Variants in WWOX observed in about 807,000 individuals in gnomAD.
WWOX encodes WW domain-containing oxidoreductase.
In WWOX, 69 loss-of-function variants were observed where a neutral mutation model predicts 46.2. The observed-to-expected ratio is 1.49, with a 90% CI of 1.23 to 1.82. The LOEUF (loss-of-function observed/expected upper bound fraction) is 1.82. WWOX is among the 40% of genes most tolerant of loss of function. The pLI is 0.00. For missense variants in WWOX, 919 were observed against 542.6 expected, an observed-to-expected ratio of 1.69 and a Z score of -6.89; for synonymous variants, 359 against 202.6, an observed-to-expected ratio of 1.77 and a Z score of -6.56.
chr16:78,980,915 T>C (rs1017420263), intron 8 of WWOX, among the ~76,000 whole-genome samples: 3 of 152,210 alleles, frequency 2.0e-5, no homozygotes, highest in Admixed American at 2.0e-4. Context: ...TCTCCGTTTT[T>C]ATTGTCTTCA....
At chr16:78,434,367 C>T (rs995378877) in intron 8 of WWOX, among the ~76,000 whole-genome samples, 7 of 152,136 alleles carry the variant, frequency 4.6e-5, no homozygotes, top group Admixed American at 1.3e-4. Context: ...ACTTTGCTCC[C>T]GATGACTGCA....
At chr16:79,092,091 C>G (rs1300342725) in intron 8 of WWOX, among the ~76,000 whole-genome samples, 3 of 152,136 alleles carry the variant, frequency 2.0e-5, no homozygotes, top group East Asian at 1.9e-4. Context: ...TCACGTTTTT[C>G]TTTTAAAGAA....
At chr16:78,966,070 C>G (rs1194940299) in intron 8 of WWOX, among the ~76,000 whole-genome samples, 1 of 152,194 alleles carries the variant, frequency 6.6e-6, no homozygotes, top group Non-Finnish European at 1.5e-5. Flanking sequence ...GTGTGACCAG[C>G]TCTGAGGATT....
At chr16:78,122,377 C>G (rs1199816068) in intron 4 of WWOX, among the ~76,000 whole-genome samples, 3 of 152,006 alleles carry the variant, frequency 2.0e-5, no homozygotes, top group Admixed American at 2.0e-4. Flanking sequence ...GTCAGCATAA[C>G]AAATGAGAGT....
intron 8 of WWOX, among the ~76,000 whole-genome samples, chr16:78,813,154 A>G (rs765535103): frequency 3.3e-5 from 5 of 152,006 alleles, no homozygotes; most frequent in Non-Finnish European, 7.4e-5. Flanking sequence ...GGAAAAAAAA[A>G]TTCAGCATCT....
At chr16:78,272,107 A>G (rs2079488099) in intron 5 of WWOX, among the ~76,000 whole-genome samples, 2 of 152,224 alleles carry the variant, frequency 1.3e-5, no homozygotes. Context: ...TTAGAGGCTT[A>G]AAACAACAAC....
At chr16:79,033,532 C>G (rs914150277) in intron 8 of WWOX, among the ~76,000 whole-genome samples, 4 of 152,042 alleles carry the variant, frequency 2.6e-5, no homozygotes, top group Non-Finnish European at 5.9e-5. Context: ...CAGATTTCCC[C>G]TGGCCCTCAC....
intron 8 of WWOX, among the ~76,000 whole-genome samples, chr16:79,080,895 A>T (rs2048748638): frequency 6.6e-6 from 1 of 152,206 alleles, no homozygotes; most frequent in Admixed American, 6.5e-5. Context: ...CAACAGATGC[A>T]TCACCCAGTC....
chr16:78,450,526 A>C (rs2083667015), intron 8 of WWOX, among the ~76,000 whole-genome samples: 2 of 152,216 alleles, frequency 1.3e-5, no homozygotes, highest in Admixed American at 1.3e-4. Flanking sequence ...CAAAAAAAAT[A>C]CTGTGTATCA....
chr16:79,060,081 A>G (rs914112364), intron 8 of WWOX, among the ~76,000 whole-genome samples: 1 of 152,216 alleles, frequency 6.6e-6, no homozygotes, highest in Non-Finnish European at 1.5e-5. Flanking sequence ...TTCTGGGTAC[A>G]AACCAGGTGT....
At chr16:78,123,435 G>GTTTTTTGTTTTTTGTT (rs200594331) in intron 4 of WWOX, 1 of 48,722 alleles carries the variant, frequency 2.1e-5, no homozygotes, top group African/African-American at 7.6e-5. Flanking sequence ...TTTGTTTTTT[G>GTTTTTTGTTTTTTGTT]TTTTGTTTTT....
At chr16:78,696,832 C>G (rs2048110235) in intron 8 of WWOX, among the ~76,000 whole-genome samples, 1 of 152,126 alleles carries the variant, frequency 6.6e-6, no homozygotes, top group Non-Finnish European at 1.5e-5. Flanking sequence ...CTTTCCCTCT[C>G]AGTCCCCAAA....
intron 8 of WWOX, chr16:78,825,257 C>G (rs2051618856): frequency 8.0e-6 from 2 of 249,696 alleles, no homozygotes; most frequent in African/African-American, 4.5e-5. Context: ...ATCTGCTTTC[C>G]TTTTGATGGT....
chr16:78,308,952 AC>A (rs2080183147), intron 5 of WWOX, among the ~76,000 whole-genome samples: 1 of 151,984 alleles, frequency 6.6e-6, no homozygotes, highest in Non-Finnish European at 1.5e-5. Flanking sequence ...TTAGCTAATA[AC>A]TCCTTTAACC....
intron 5 of WWOX, among the ~76,000 whole-genome samples, chr16:78,208,252 C>T (rs767182098): frequency 6.6e-6 from 1 of 152,164 alleles, no homozygotes; most frequent in Non-Finnish European, 1.5e-5. Context: ...AAAAAGCTGT[C>T]TTTGATAACA....
At chr16:79,035,806 G>C (rs1450136892) in intron 8 of WWOX, among the ~76,000 whole-genome samples, 1 of 152,114 alleles carries the variant, frequency 6.6e-6, no homozygotes, top group Non-Finnish European at 1.5e-5. Context: ...AACCCCATTA[G>C]ACGGTGGCCA....
intron 5 of WWOX, among the ~76,000 whole-genome samples, chr16:78,346,359 T>C: frequency 8.2e-6 from 1 of 121,412 alleles, no homozygotes; most frequent in Middle Eastern, 3.6e-3. Context: ...CCGTGAATAT[T>C]GATGCACTAG....
intron 8 of WWOX, among the ~76,000 whole-genome samples, chr16:78,803,650 G>T (rs1338485514): frequency 6.6e-6 from 1 of 151,912 alleles, no homozygotes; most frequent in East Asian, 1.9e-4. Context: ...GTAGAGATGT[G>T]GTCTCCCTAT....
chr16:78,742,615 C>G (rs2049255809), intron 8 of WWOX, among the ~76,000 whole-genome samples: 1 of 152,188 alleles, frequency 6.6e-6, no homozygotes, highest in African/African-American at 2.4e-5. Flanking sequence ...AAATCTCTCT[C>G]CAGCTTTGCC....
Sources: allele counts gnomAD v4.1 joint callset (sites outside exome capture counted in the v4.1 genomes callset), GRCh38; gene constraint gnomAD v4.1.1; transcripts MANE v1.5; gene names NCBI Gene and HGNC (gene_info 2026-07-23, HGNC 2026-07-21).